Variants in ACTN1 observed in about 807,000 individuals in gnomAD.
The protein encoded by ACTN1 is alpha-actinin-1.
ACTN1 carries 30 observed loss-of-function variants against 119.6 expected under a neutral mutation model. The ratio of observed to expected loss-of-function variants is 0.25; its 90% CI spans 0.19 to 0.34. The LOEUF (loss-of-function observed/expected upper bound fraction) is 0.34. Among genes scored for constraint, ACTN1 ranks in the 10% least tolerant of loss-of-function variants. The probability of loss-of-function intolerance (pLI) is 1.00; values close to 1 mark genes in which losing one functional copy is unlikely to be tolerated. For synonymous variants in ACTN1, 429 were observed against 472.6 expected, an observed-to-expected ratio of 0.91 and a Z score of 1.20; for missense variants, 764 against 1,223.4, an observed-to-expected ratio of 0.62 and a Z score of 5.60.
intron 3 of ACTN1, among the ~76,000 whole-genome samples, chr14:68,916,581 C>T (rs922115615): frequency 2.0e-5 from 3 of 152,236 alleles, no homozygotes; most frequent in Non-Finnish European, 2.9e-5. Context: ...CACTCTCCTT[C>T]CCCTTCCCTG....
At chr14:68,932,773 G>A (rs1198649587) in intron 1 of ACTN1, among the ~76,000 whole-genome samples, 1 of 151,916 alleles carries the variant, frequency 6.6e-6, no homozygotes, top group African/African-American at 2.4e-5. Flanking sequence ...AAATTTTTTG[G>A]TGGGGGCAGG....
rs767263355 is a variant in ACTN1 at position 68,874,994 on chromosome 14, C to G, written c.2610G>C (p.Leu870=). ...CCTGGTCGGGTGGCAGCTCGCGGCGCAGCTCGTCCATGGTAATGTAGTTCT... is the reference window on the plus strand; with the variant it reads ...CCTGGTCGGGTGGCAGCTCGCGGCGGAGCTCGTCCATGGTAATGTAGTTCT... ...GDKNYITMDE[L]RRELPPDQAE... Residue 870 remains leucine (L), a synonymous_variant, in exon 22 of 22, where the codon CTG becomes CTC. Coordinates refer to ENST00000394419, the MANE Select transcript of ACTN1 (RefSeq NM_001130004.2). The G allele has an allele frequency of 1.2e-6, 2 of 1,613,598 alleles. No homozygotes were observed. The highest frequency in any genetic ancestry group is 1.7e-5 in the Admixed American group (1 of 60,036).
chr14:68,875,052 T>A (rs2030724485), intron 21 of ACTN1, 35 bp from the exon 22 acceptor site: 5 of 1,606,590 alleles, frequency 3.1e-6, no homozygotes, highest in Non-Finnish European at 4.2e-6. Flanking sequence ...GGCCGCAAAG[T>A]CCAGCAGCCG....
At chr14:68,940,401 C>T (rs2035725587) in intron 1 of ACTN1, among the ~76,000 whole-genome samples, 1 of 152,170 alleles carries the variant, frequency 6.6e-6, no homozygotes, top group Non-Finnish European at 1.5e-5. Flanking sequence ...AACTTGACCC[C>T]TCCATGTAGT....
chr14:68,946,746 C>T (rs1395614749), intron 1 of ACTN1, among the ~76,000 whole-genome samples: 2 of 152,212 alleles, frequency 1.3e-5, no homozygotes, highest in East Asian at 1.9e-4. Context: ...ATCCATCCCC[C>T]ACTTAGTCTC....
chr14:68,892,906 C>T (rs1378253827), intron 9 of ACTN1, among the ~76,000 whole-genome samples: 2 of 152,118 alleles, frequency 1.3e-5, no homozygotes, highest in African/African-American at 2.4e-5. Context: ...CACACATGGA[C>T]TCATCTGAAT....
chr14:68,907,748 TCAGAA>T (rs2033754152), intron 6 of ACTN1, among the ~76,000 whole-genome samples: 1 of 151,954 alleles, frequency 6.6e-6, no homozygotes, highest in Admixed American at 6.6e-5. Context: ...TCCAAATCCT[TCAGAA>T]TAAGGGAGGG....
intron 8 of ACTN1, among the ~76,000 whole-genome samples, chr14:68,901,478 C>T (rs931168662): frequency 2.0e-5 from 3 of 152,080 alleles, no homozygotes; most frequent in Non-Finnish European, 2.9e-5. Flanking sequence ...GAACTCCTGG[C>T]CTCAAGTGAT....
intron 2 of ACTN1, among the ~76,000 whole-genome samples, chr14:68,924,164 C>T (rs112619660): frequency 5.9e-5 from 9 of 152,122 alleles, no homozygotes; most frequent in East Asian, 1.9e-4. Flanking sequence ...CAGTTTGAGA[C>T]GATGAAGAGC....
chr14:68,875,018 C>A lies in ACTN1; in HGVS notation c.2587-1G>T. On this transcript the variant is annotated splice_acceptor_variant, in intron 21 of 21. Transcript: ENST00000394419. LOFTEE classifies it high-confidence loss of function. ...GCAGCTCGTCCATGGTAATGTAGTTCTGCGAGGAGAGAGTGGTCAGGAAGG... is the reference window on the plus strand; with the variant it reads ...GCAGCTCGTCCATGGTAATGTAGTTATGCGAGGAGAGAGTGGTCAGGAAGG... 1 of 1,612,934 alleles carries A rather than the reference C, an allele frequency of 6.2e-7. No individual in the cohort carries two copies. Among genetic ancestry groups the A allele is most frequent in the Non-Finnish European group, 8.5e-7 (1 of 1,179,994 alleles).
At chr14:68,890,035 A>G (rs1289066802) in intron 11 of ACTN1, 104 bp downstream of exon 11, 3 of 1,493,516 alleles carry the variant, frequency 2.0e-6, no homozygotes, top group Non-Finnish European at 2.7e-6. Flanking sequence ...TAAGAGACCA[A>G]ATGAAACAAA....
chr14:68,919,852 G>A (rs1316783570), intron 3 of ACTN1, among the ~76,000 whole-genome samples: 1 of 152,244 alleles, frequency 6.6e-6, no homozygotes, highest in Non-Finnish European at 1.5e-5. Context: ...CCGGTGTGCT[G>A]TGTTCCAATA....
At chr14:68,938,466 CTATCTG>C (rs2035629480) in intron 1 of ACTN1, among the ~76,000 whole-genome samples, 1 of 152,064 alleles carries the variant, frequency 6.6e-6, no homozygotes, top group African/African-American at 2.4e-5. Context: ...CTCAGGATCC[CTATCTG>C]TAAAATGGGG....
At chr14:68,877,061 G>A (rs1411499256) in intron 21 of ACTN1, 21 bp downstream of exon 21, 21 of 1,613,392 alleles carry the variant, frequency 1.3e-5, no homozygotes, top group Non-Finnish European at 1.7e-5. Flanking sequence ...CCAGCACAGT[G>A]CCCACCCATA....
chr14:68,954,901 C>T (rs1357143625), intron 1 of ACTN1, among the ~76,000 whole-genome samples: 1 of 152,162 alleles, frequency 6.6e-6, no homozygotes, highest in Non-Finnish European at 1.5e-5. Context: ...AAGATTTTGC[C>T]TTCTCTGGGC....
In ACTN1 at chr14:68,892,046, T is replaced by A; in HGVS notation, c.1086+7A>T. Reference sequence around the variant, plus strand: ...TCTGGGGGCCCAGGCTCACCCCCAGTGCTCACCGAGACCATCCTGCCCTCA... The same window carrying A: ...TCTGGGGGCCCAGGCTCACCCCCAGAGCTCACCGAGACCATCCTGCCCTCA... On this transcript the variant is annotated splice_region_variant and intron_variant, in intron 10 of 21. Coordinates refer to ENST00000394419, the MANE Select transcript of ACTN1 (RefSeq NM_001130004.2). 1 of 1,612,862 alleles carries A rather than the reference T, an allele frequency of 6.2e-7. No homozygotes were observed. The highest frequency in any genetic ancestry group is 1.1e-5 in the South Asian group (1 of 91,018).
At chr14:68,923,177 G>A (rs1178143375) in intron 2 of ACTN1, among the ~76,000 whole-genome samples, 1 of 152,192 alleles carries the variant, frequency 6.6e-6, no homozygotes, top group Non-Finnish European at 1.5e-5. Context: ...CTACATGTCT[G>A]GTGCTGTTCT....
At chr14:68,948,757 G>A (rs1191961554) in intron 1 of ACTN1, among the ~76,000 whole-genome samples, 1 of 152,096 alleles carries the variant, frequency 6.6e-6, no homozygotes, top group East Asian at 1.9e-4. Flanking sequence ...CATCCAGGAA[G>A]TACAGGCTAC....
chr14:68,932,362 C>A (rs1392462822), intron 1 of ACTN1, among the ~76,000 whole-genome samples: 1 of 152,000 alleles, frequency 6.6e-6, no homozygotes, highest in Admixed American at 6.6e-5. Context: ...GGGACTCGGA[C>A]TGGCTTCCTT....
Sources: allele counts gnomAD v4.1 joint callset (sites outside exome capture counted in the v4.1 genomes callset), GRCh38; gene constraint gnomAD v4.1.1; transcripts MANE v1.5; gene names NCBI Gene and HGNC (gene_info 2026-07-23, HGNC 2026-07-21).